The following LAMA2 variants were observed in gnomAD, a reference collection of about 807,000 sequenced individuals.
LAMA2 encodes the protein laminin subunit alpha 2.
LAMA2 carries 269 observed loss-of-function variants against 364.8 expected under a neutral mutation model. The observed-to-expected ratio is 0.74, with a 90% confidence interval of 0.67 to 0.82. The LOEUF is 0.82. Among genes scored for constraint, LAMA2 ranks in the 40% least tolerant of loss-of-function variants. The pLI, the probability that LAMA2 is intolerant of heterozygous loss-of-function variation, is 0.00. For missense variants in LAMA2, 3,807 were observed against 3,873.2 expected (o/e 0.98, Z 0.45); for synonymous variants, 1,379 against 1,370.6 (o/e 1.01, Z -0.14).
At chr6:129,320,249 T>A (rs902375718) in intron 27 of LAMA2, among the ~76,000 whole-genome samples, 2 of 152,174 alleles carry the variant, frequency 1.3e-5, no homozygotes, top group African/African-American at 4.8e-5. Context: ...TGTCTTCATT[T>A]TGAGCAGACT....
chr6:129,272,903 C>T (rs1435569145), intron 17 of LAMA2, among the ~76,000 whole-genome samples: 1 of 152,130 alleles, frequency 6.6e-6, no homozygotes, highest in Non-Finnish European at 1.5e-5. Context: ...TTATCCCAAA[C>T]TCCTCCCCTG....
rs1778293332 is a variant in LAMA2, at chr6:129,144,151, TA to T, written c.819+76del. 4 of 1,250,740 alleles carry T rather than the reference TA, an allele frequency of 3.2e-6. No individual in the cohort carries two copies. In the African/African-American group the frequency reaches 5.9e-5, roughly 19 times the overall value. The allele number at this position is 1,250,740 out of a possible 1,614,324, so 77.5% of individuals were successfully genotyped here. A position where few individuals can be genotyped will look rare whatever the true frequency, so the allele number is the denominator to read the frequency against. ...TTATCTTTTTGTCTGTTAAATACTT[TA>T]AAAATGTTTTCAGTGATTTGTAGGA... On this transcript the variant is annotated intron_variant, in intron 5 of 64. Transcript: ENST00000421865.
intron 1 of LAMA2, among the ~76,000 whole-genome samples, chr6:128,889,674 G>T (rs1426347509): frequency 6.6e-6 from 1 of 152,012 alleles, no homozygotes; most frequent in Non-Finnish European, 1.5e-5. Flanking sequence ...CATTTAGGAA[G>T]ATAGTAAGGC....
chr6:129,014,635 GTTTA>G lies in LAMA2; in HGVS notation c.113-35280_113-35277del, dbSNP rs1015889057. 3.7e-3 allele frequency among the ~76,000 whole-genome samples: 556 copies of G among 152,008 alleles called. 3 individuals carry two copies. The highest frequency in any genetic ancestry group is 0.013 in the African/African-American group (520 of 41,466). ...ACACAGTGTGCTACACTGTGGTTTA[GTTTA>G]TTATTAAAGAGCATAATTAAAAGAA... On this transcript the variant is annotated intron_variant, in intron 1 of 64. Transcript: ENST00000421865.
At chr6:129,186,485 G>A (rs1781235856) in intron 10 of LAMA2, among the ~76,000 whole-genome samples, 1 of 129,872 alleles carries the variant, frequency 7.7e-6, no homozygotes, top group Non-Finnish European at 1.6e-5. Context: ...GTTTTACTGT[G>A]TGTATTTATT....
intron 2 of LAMA2, among the ~76,000 whole-genome samples, chr6:129,059,437 T>C (rs150220699): frequency 1.4e-3 from 219 of 152,354 alleles, no homozygotes; most frequent in African/African-American, 4.8e-3. Flanking sequence ...TGTTGCTTTT[T>C]TGAATGATTG....
intron 28 of LAMA2, 126 bp from the exon 29 acceptor site, chr6:129,328,152 T>G: frequency 1.2e-6 from 1 of 820,354 alleles, no homozygotes; most frequent in Non-Finnish European, 2.1e-6. Context: ...CTTGCGTTTG[T>G]AAGTGATGTT....
At chr6:129,497,436 C>A (rs1348367604) in intron 58 of LAMA2, among the ~76,000 whole-genome samples, 2 of 152,100 alleles carry the variant, frequency 1.3e-5, no homozygotes, top group Non-Finnish European at 2.9e-5. Context: ...TGGGATTTCA[C>A]CATGTTGGCC....
intron 12 of LAMA2, among the ~76,000 whole-genome samples, chr6:129,239,830 T>G (rs1785271133): frequency 6.6e-6 from 1 of 152,164 alleles, no homozygotes; most frequent in Non-Finnish European, 1.5e-5. Context: ...ATTTTAGAAG[T>G]TAATTCTTAC....
At chr6:129,501,234 T>G (rs1338732209) in intron 58 of LAMA2, among the ~76,000 whole-genome samples, 1 of 152,206 alleles carries the variant, frequency 6.6e-6, no homozygotes, top group East Asian at 1.9e-4. Context: ...GGGCTCTTTT[T>G]GCAGGCAGCG....
At chr6:129,005,596 T>C (rs562852738) in intron 1 of LAMA2, among the ~76,000 whole-genome samples, 4 of 151,840 alleles carry the variant, frequency 2.6e-5, no homozygotes, top group East Asian at 3.9e-4. Flanking sequence ...GCTTAACACA[T>C]AAAAATTAAT....
At chr6:129,347,370 C>T (rs573044208) in intron 30 of LAMA2, among the ~76,000 whole-genome samples, 1 of 152,068 alleles carries the variant, frequency 6.6e-6, no homozygotes, top group South Asian at 2.1e-4. Context: ...TATTTAAATC[C>T]CTTAGGACTA....
At chr6:129,455,065 A>G (rs1782882981) in intron 47 of LAMA2, among the ~76,000 whole-genome samples, 2 of 152,024 alleles carry the variant, frequency 1.3e-5, no homozygotes, top group South Asian at 2.1e-4. Context: ...TTTTTTCCAT[A>G]ATAAAAAGTT....
chr6:129,251,796 T>C (rs568562460), intron 13 of LAMA2, among the ~76,000 whole-genome samples: 1 of 152,034 alleles, frequency 6.6e-6, no homozygotes, highest in South Asian at 2.1e-4. Flanking sequence ...TTAGCCAGGC[T>C]TGGTGGCAGG....
intron 10 of LAMA2, among the ~76,000 whole-genome samples, chr6:129,184,024 A>G (rs888571927): frequency 6.6e-6 from 1 of 151,930 alleles, no homozygotes; most frequent in African/African-American, 2.4e-5. Flanking sequence ...AGTAGGTATA[A>G]TTATCACACT....
intron 1 of LAMA2, among the ~76,000 whole-genome samples, chr6:128,953,929 G>A (rs1158875310): frequency 6.6e-6 from 1 of 152,140 alleles, no homozygotes; most frequent in African/African-American, 2.4e-5. Flanking sequence ...TCCTTTAAAT[G>A]TTGAGTTCAA....
rs558588583 is a variant in LAMA2 at position 129,057,373 on chromosome 6, T to C, written c.284-2411T>C. On this transcript the variant is annotated intron_variant, in intron 2 of 64. Transcript: ENST00000421865. ...TTTCATAAAAATAGAAAGGATACAA[T>C]TTAAATAATTGTCCTCCATTTTGAT... 2.6e-5 allele frequency among the ~76,000 whole-genome samples: 4 copies of C among 152,298 alleles called. No individual in the cohort carries two copies. In the East Asian group the frequency reaches 5.8e-4, roughly 22 times the overall value.
intron 1 of LAMA2, among the ~76,000 whole-genome samples, chr6:128,916,472 G>C (rs2114473251): frequency 6.6e-6 from 1 of 152,266 alleles, no homozygotes; most frequent in South Asian, 2.1e-4. Context: ...AGTATTATGT[G>C]GCTACTTCTG....
intron 45 of LAMA2, among the ~76,000 whole-genome samples, chr6:129,452,426 A>G (rs1176867259): frequency 6.6e-6 from 1 of 152,210 alleles, no homozygotes; most frequent in Non-Finnish European, 1.5e-5. Context: ...GGTACAATTT[A>G]TTCTGAAATG....
Sources: gnomAD v4.1 joint callset for allele counts (sites outside exome capture counted in the v4.1 genomes callset) on GRCh38, gnomAD v4.1.1 for gene constraint, MANE v1.5 for transcripts, NCBI Gene and HGNC (gene_info 2026-07-23, HGNC 2026-07-21) for gene names.